Variants in TTLL1 observed in about 807,000 individuals in gnomAD.
The protein encoded by TTLL1 is TTL family tubulin polyglutamylase complex subunit L1.
A neutral mutation model predicts 47.8 loss-of-function variants in TTLL1; 33 were observed. That is an observed-to-expected ratio of 0.69 (90% CI 0.52 to 0.92). TTLL1 has a LOEUF of 0.92. Ranked by LOEUF, TTLL1 falls within the 40% of genes least tolerant of loss-of-function variation. The pLI is 0.00. For synonymous variants in TTLL1, 225 were observed against 214.1 expected, an observed-to-expected ratio of 1.05 and a Z score of -0.45; for missense variants, 488 against 547.5, an observed-to-expected ratio of 0.89 and a Z score of 1.08.
chr22:43,063,710 C>A, intron 7 of TTLL1, 103 bp downstream of exon 7: 6 of 1,039,442 alleles, frequency 5.8e-6, no homozygotes, highest in Non-Finnish European at 8.8e-6. Flanking sequence ...AGGTGATCCA[C>A]CCGCCTCAGC....
chr22:43,069,589 A>G (rs758790247), intron 4 of TTLL1, 47 bp downstream of exon 4: 6 of 1,611,924 alleles, frequency 3.7e-6, no homozygotes, highest in Non-Finnish European at 5.1e-6. Context: ...CCAAAGAAAA[A>G]ATTCAGCTGT....
chr22:43,080,989 CACT>C (rs1182238161), intron 1 of TTLL1, among the ~76,000 whole-genome samples: 5 of 138,734 alleles, frequency 3.6e-5, no homozygotes, highest in Non-Finnish European at 6.1e-5. Flanking sequence ...CATCTTGGCT[CACT>C]ACAACCTCTG....
Position 43,069,717 on chromosome 22 carries a change from T to C in TTLL1, c.241A>G (p.Ile81Val). Residue 81 changes from isoleucine (I) to valine (V), a missense_variant, in exon 4 of 11, where the codon ATC (isoleucine) becomes GTC (valine). Transcript: ENST00000266254. ...TCCAGCTCCTTCCTGTATCTTTTGATGTTCTTCACCATCAGGTCCTTCCGG... is the reference window on the plus strand; with the variant it reads ...TCCAGCTCCTTCCTGTATCTTTTGACGTTCTTCACCATCAGGTCCTTCCGG... ...LTRKDLMVKNIKRYRKELEKE... is the reference protein window; with the variant it reads ...LTRKDLMVKNVKRYRKELEKE... 2 of 1,614,258 alleles carry C rather than the reference T, an allele frequency of 1.2e-6. No individual in the cohort carries two copies. The highest frequency in any genetic ancestry group is 1.7e-6 in the Non-Finnish European group (2 of 1,180,052).
chr22:43,085,315 G>C (rs1340850019), intron 1 of TTLL1, among the ~76,000 whole-genome samples: 1 of 152,152 alleles, frequency 6.6e-6, no homozygotes, highest in Admixed American at 6.6e-5. Context: ...GTCAGGTACT[G>C]GGTGGGGTAG....
chr22:43,073,409 TG>T (rs1928267359), intron 3 of TTLL1, among the ~76,000 whole-genome samples: 1 of 151,620 alleles, frequency 6.6e-6, no homozygotes, highest in Non-Finnish European at 1.5e-5. Flanking sequence ...CAGGCTGGAG[TG>T]CAGTGGTGTG....
At chr22:43,073,805 CTCT>C (rs1484127409) in intron 3 of TTLL1, among the ~76,000 whole-genome samples, 3 of 151,196 alleles carry the variant, frequency 2.0e-5, no homozygotes, top group Non-Finnish European at 4.4e-5. Flanking sequence ...AGAACAGAAG[CTCT>C]TCTTTTTTAT....
chr22:43,088,861 G>A (rs1929426230), intron 1 of TTLL1, among the ~76,000 whole-genome samples: 1 of 152,182 alleles, frequency 6.6e-6, no homozygotes, highest in Non-Finnish European at 1.5e-5. Flanking sequence ...GAGGGGAAAT[G>A]TCTTGGTCCA....
At chr22:43,045,480 T>A (rs1926046541) in intron 10 of TTLL1, among the ~76,000 whole-genome samples, 1 of 148,964 alleles carries the variant, frequency 6.7e-6, no homozygotes, top group Admixed American at 6.7e-5. Flanking sequence ...ATTTTTTTTT[T>A]TTTTTTTTTT....
intron 1 of TTLL1, among the ~76,000 whole-genome samples, chr22:43,080,902 CTTTTTTTTTTT>C (rs10529079): frequency 0.052 from 3,584 of 69,206 alleles, 328 homozygotes; most frequent in African/African-American, 0.19. Flanking sequence ...TGTTGCATGA[CTTTTTTTTTTT>C]TTTTTTTTTT....
At chr22:43,046,910 A>T (rs1396425932) in intron 9 of TTLL1, among the ~76,000 whole-genome samples, 2 of 152,030 alleles carry the variant, frequency 1.3e-5, no homozygotes, top group Non-Finnish European at 2.9e-5. Flanking sequence ...ACCTCAGGTG[A>T]TCCTCCCACC....
chr22:43,084,962 C>CA (rs1929135142), intron 1 of TTLL1, among the ~76,000 whole-genome samples: 1 of 112,748 alleles, frequency 8.9e-6, no homozygotes, highest in African/African-American at 3.7e-5. Context: ...AAGCTGCCAC[C>CA]TTTTTTTTTT....
chr22:43,040,239 A>G (rs377429616), intron 10 of TTLL1: 3 of 222,854 alleles, frequency 1.3e-5, no homozygotes, highest in African/African-American at 7.0e-5. Context: ...GGCAACATGC[A>G]TGAGGTGACA....
At chr22:43,072,854 G>A (rs891018823) in intron 3 of TTLL1, among the ~76,000 whole-genome samples, 1 of 152,078 alleles carries the variant, frequency 6.6e-6, no homozygotes, top group East Asian at 1.9e-4. Context: ...AAGGTGCTGG[G>A]ATTACAGGCA....
chr22:43,049,671 A>G (rs998376365), intron 9 of TTLL1, among the ~76,000 whole-genome samples: 1 of 151,448 alleles, frequency 6.6e-6, no homozygotes, highest in Non-Finnish European at 1.5e-5. Flanking sequence ...CAGGAGGCTG[A>G]GGCAGGAAGA....
At chr22:43,087,817 G>A (rs1310498766) in intron 1 of TTLL1, among the ~76,000 whole-genome samples, 3 of 133,298 alleles carry the variant, frequency 2.3e-5, no homozygotes, top group East Asian at 4.6e-4. Context: ...TCCAGCCTGG[G>A]TGACAGAGTG....
At chr22:43,073,352 TTTATTTA>T (rs1432470651) in intron 3 of TTLL1, among the ~76,000 whole-genome samples, 5 of 145,280 alleles carry the variant, frequency 3.4e-5, no homozygotes, top group South Asian at 4.3e-4. Flanking sequence ...TATTTATTTA[TTTATTTA>T]TTTATTTTAT....
intron 1 of TTLL1, among the ~76,000 whole-genome samples, chr22:43,080,967 A>G (rs1027554645): frequency 1.6e-5 from 2 of 124,656 alleles, no homozygotes; most frequent in Non-Finnish European, 3.1e-5. Flanking sequence ...CCCAGGCTGG[A>G]GTGCAATGGC....
Position 43,076,546 on chromosome 22 carries a change from T to C in TTLL1, c.-4-956A>G, listed in dbSNP as rs1454706715. 3.3e-5 allele frequency among the ~76,000 whole-genome samples: 5 copies of C among 151,766 alleles called. No homozygotes were observed. The East Asian group carries it at 7.8e-4, about 24-fold the overall frequency. The stretch of plus-strand genomic sequence containing the variant: ...GTGGGCAGATCATGAGGTCAGGAGA[T>C]TGAGACCATCCTGGCTAACACGGTG... On this transcript the variant is annotated intron_variant, in intron 2 of 10. Transcript: ENST00000266254.
At chr22:43,087,746 G>A (rs1929322112) in intron 1 of TTLL1, among the ~76,000 whole-genome samples, 1 of 150,826 alleles carries the variant, frequency 6.6e-6, no homozygotes, top group African/African-American at 2.4e-5. Context: ...GCTGAGGTGG[G>A]AGGATTGCTT....
Sources: gnomAD v4.1 joint callset for allele counts (sites outside exome capture counted in the v4.1 genomes callset) on GRCh38, gnomAD v4.1.1 for gene constraint, MANE v1.5 for transcripts, NCBI Gene and HGNC (gene_info 2026-07-23, HGNC 2026-07-21) for gene names.